The following MGMT variants were observed in gnomAD, a reference collection of about 807,000 sequenced individuals.
MGMT encodes methylated-DNA--protein-cysteine methyltransferase.
A neutral mutation model predicts 15.9 loss-of-function variants in MGMT; 14 were observed. That is an observed-to-expected ratio of 0.88 (90% CI 0.58 to 1.37). MGMT has a LOEUF of 1.37. Ranked by LOEUF, MGMT falls within the 40% of genes most tolerant of loss-of-function variation. MGMT has a pLI of 0.00. For synonymous variants in MGMT, 130 were observed against 118.2 expected (o/e 1.10, Z -0.65); for missense variants, 282 against 268.1 (o/e 1.05, Z -0.36).
At chr10:129,729,418 G>T (rs1278146715) in intron 3 of MGMT, among the ~76,000 whole-genome samples, 1 of 152,118 alleles carries the variant, frequency 6.6e-6, no homozygotes, top group Non-Finnish European at 1.5e-5. Flanking sequence ...CGGCACCTGC[G>T]TGTCCCTGTC....
chr10:129,731,921 A>C (rs1369858250), intron 3 of MGMT, among the ~76,000 whole-genome samples: 2 of 152,122 alleles, frequency 1.3e-5, no homozygotes, highest in Admixed American at 1.3e-4. Context: ...TTGTCACATC[A>C]CGTAGCCCCC....
At chr10:129,741,104 T>C (rs896754817) in intron 3 of MGMT, among the ~76,000 whole-genome samples, 5 of 152,180 alleles carry the variant, frequency 3.3e-5, no homozygotes, top group African/African-American at 4.8e-5. Context: ...TGGAATGCTC[T>C]GTTTTGGCAA....
intron 2 of MGMT, among the ~76,000 whole-genome samples, chr10:129,666,769 A>G (rs1004558745): frequency 6.6e-6 from 1 of 152,230 alleles, no homozygotes; most frequent in African/African-American, 2.4e-5. Context: ...CTAGACAACA[A>G]TGCTGAGAGT....
intron 2 of MGMT, among the ~76,000 whole-genome samples, chr10:129,615,523 A>G (rs574723955): frequency 3.5e-4 from 53 of 152,178 alleles, no homozygotes; most frequent in Non-Finnish European, 6.2e-4. Context: ...TCCTCTCCTT[A>G]GGACTTCTGA....
intron 3 of MGMT, among the ~76,000 whole-genome samples, chr10:129,744,710 C>T (rs895429491): frequency 1.3e-5 from 2 of 152,210 alleles, no homozygotes; most frequent in African/African-American, 4.8e-5. Context: ...CAGTGTGCGC[C>T]TCCACAGGGA....
chr10:129,632,567 C>T (rs576869765), intron 2 of MGMT, among the ~76,000 whole-genome samples: 1 of 152,330 alleles, frequency 6.6e-6, no homozygotes, highest in African/African-American at 2.4e-5. Flanking sequence ...ATTTATCCCA[C>T]AAATATTTAA....
chr10:129,467,411 C>A, intron 1 of MGMT, 115 bp downstream of exon 1: 1 of 1,375,084 alleles, frequency 7.3e-7, no homozygotes, highest in Non-Finnish European at 9.4e-7. Context: ...TGGGGCCGCC[C>A]TGACCCCCAC....
intron 2 of MGMT, among the ~76,000 whole-genome samples, chr10:129,558,993 G>A (rs544393246): frequency 1.3e-5 from 2 of 152,156 alleles, no homozygotes; most frequent in Non-Finnish European, 2.9e-5. Flanking sequence ...ATTCAGAGAC[G>A]CAGTGCTTGG....
At chr10:129,475,175 T>G in intron 1 of MGMT, among the ~76,000 whole-genome samples, 1 of 151,760 alleles carries the variant, frequency 6.6e-6, no homozygotes, top group East Asian at 1.9e-4. Context: ...GTCGGTGTGT[T>G]GGAAGCACAG....
chr10:129,679,064 C>T (rs1847817966), intron 2 of MGMT, among the ~76,000 whole-genome samples: 1 of 144,466 alleles, frequency 6.9e-6, no homozygotes, highest in South Asian at 2.3e-4. Context: ...CAGACTGAGA[C>T]TCCATCTCAA....
chr10:129,668,749 A>C (rs1349423893), intron 2 of MGMT, among the ~76,000 whole-genome samples: 1 of 152,198 alleles, frequency 6.6e-6, no homozygotes, highest in South Asian at 2.1e-4. Flanking sequence ...ATATAAATGA[A>C]TCAGTTTGTC....
At chr10:129,593,903 G>A (rs1025332709) in intron 2 of MGMT, among the ~76,000 whole-genome samples, 5 of 152,220 alleles carry the variant, frequency 3.3e-5, no homozygotes, top group African/African-American at 9.6e-5. Flanking sequence ...AGCAGAGGAG[G>A]AGTTCCTTAT....
chr10:129,510,441 A>G (rs1357365018), intron 1 of MGMT, among the ~76,000 whole-genome samples: 1 of 152,104 alleles, frequency 6.6e-6, no homozygotes, highest in Non-Finnish European at 1.5e-5. Context: ...GATGACAAAT[A>G]TGATAGGAAC....
chr10:129,653,374 G>C (rs1303857884), intron 2 of MGMT, among the ~76,000 whole-genome samples: 2 of 152,160 alleles, frequency 1.3e-5, no homozygotes, highest in Non-Finnish European at 2.9e-5. Context: ...GTATCCTCTG[G>C]ATTTATTGCT....
At chr10:129,754,178 A>G (rs1195103402) in intron 3 of MGMT, among the ~76,000 whole-genome samples, 2 of 152,074 alleles carry the variant, frequency 1.3e-5, no homozygotes, top group Non-Finnish European at 2.9e-5. Context: ...GAGTCCAGAA[A>G]TCTATCAACA....
chr10:129,707,759 G>C, intron 2 of MGMT, 136 bp from the exon 3 acceptor site: 1 of 1,201,500 alleles, frequency 8.3e-7, no homozygotes, highest in South Asian at 1.3e-5. Flanking sequence ...CCTTTCTGCT[G>C]CACAGCTAGT....
intron 2 of MGMT, among the ~76,000 whole-genome samples, chr10:129,646,245 C>T (rs1847387248): frequency 6.6e-6 from 1 of 151,972 alleles, no homozygotes; most frequent in South Asian, 2.1e-4. Context: ...GAAGACAGAT[C>T]GCCTGGGGAA....
chr10:129,609,807 G>A (rs1315538940), intron 2 of MGMT, among the ~76,000 whole-genome samples: 1 of 152,114 alleles, frequency 6.6e-6, no homozygotes, highest in African/African-American at 2.4e-5. Flanking sequence ...AGGAGGAGCA[G>A]TGCGGAGATT....
chr10:129,542,789 A>ACC (rs556691497), intron 2 of MGMT, among the ~76,000 whole-genome samples: 19 of 152,172 alleles, frequency 1.2e-4, no homozygotes, highest in African/African-American at 4.1e-4. Context: ...CGAGCCTGGA[A>ACC]CCCCTTGTTC....
Sources: gnomAD v4.1 joint callset for allele counts (sites outside exome capture counted in the v4.1 genomes callset) on GRCh38, gnomAD v4.1.1 for gene constraint, MANE v1.5 for transcripts, NCBI Gene and HGNC (gene_info 2026-07-23, HGNC 2026-07-21) for gene names.